DST: variants seen among roughly 807,000 people sequenced by gnomAD.
The protein encoded by DST is dystonin, also known as bullous pemphigoid antigen.
DST carries 253 observed loss-of-function variants against 875.2 expected under a neutral mutation model. The observed-to-expected ratio is 0.29, with a 90% CI of 0.26 to 0.32. The LOEUF (loss-of-function observed/expected upper bound fraction) is 0.32, where lower values mean the gene tolerates loss of function less well. Ranked by LOEUF, DST falls within the 10% of genes least tolerant of loss-of-function variation. The pLI is 1.00. For missense variants in DST, 8,287 were observed against 9,111.6 expected (o/e 0.91, Z 3.68); for synonymous variants, 3,124 against 3,197.1 (o/e 0.98, Z 0.77).
chr6:56,508,508 T>C, intron 75 of DST, 21 bp downstream of exon 75: 1 of 1,587,820 alleles, frequency 6.3e-7, no homozygotes, highest in Non-Finnish European at 8.6e-7. Context: ...TTTCTAACTT[T>C]AAATGAGATT....
chr6:56,742,785 G>C (rs1423025361), intron 4 of DST, among the ~76,000 whole-genome samples: 1 of 152,144 alleles, frequency 6.6e-6, no homozygotes, highest in Non-Finnish European at 1.5e-5. Flanking sequence ...TCCCTGATAT[G>C]TGTGCTAGTA....
intron 2 of DST, among the ~76,000 whole-genome samples, chr6:56,924,844 T>C (rs2127748341): frequency 6.6e-6 from 1 of 152,318 alleles, no homozygotes; most frequent in Non-Finnish European, 1.5e-5. Context: ...GCAGGAGAGA[T>C]CTCTCATTTC....
At chr6:56,798,338 C>T (rs924116517) in intron 4 of DST, among the ~76,000 whole-genome samples, 3 of 152,040 alleles carry the variant, frequency 2.0e-5, no homozygotes, top group Non-Finnish European at 2.9e-5. Flanking sequence ...GAAGTTGATG[C>T]TCATTTGCCA....
At chr6:56,899,676 T>C (rs148798249) in intron 3 of DST, among the ~76,000 whole-genome samples, 270 of 152,348 alleles carry the variant, frequency 1.8e-3, no homozygotes, top group Middle Eastern at 6.8e-3. Context: ...AAAATTACTT[T>C]ACAAGTTTTA....
At chr6:56,847,346 A>C (rs2099808259) in intron 4 of DST, among the ~76,000 whole-genome samples, 1 of 152,210 alleles carries the variant, frequency 6.6e-6, no homozygotes, top group African/African-American at 2.4e-5. Context: ...ATAAACAAAT[A>C]AATAATAAGA....
intron 55 of DST, among the ~76,000 whole-genome samples, chr6:56,563,815 A>G (rs1585013458): frequency 6.6e-6 from 1 of 152,200 alleles, no homozygotes; most frequent in Admixed American, 6.5e-5. Context: ...TAGTTTTCCC[A>G]ACATCATTTA....
At chr6:56,673,296 A>C (rs2099111895) in intron 9 of DST, among the ~76,000 whole-genome samples, 1 of 152,136 alleles carries the variant, frequency 6.6e-6, no homozygotes, top group South Asian at 2.1e-4. Context: ...AAAGAAAAGA[A>C]AAAGTTGAGC....
chr6:56,543,142 G>A (rs75664554), intron 61 of DST, among the ~76,000 whole-genome samples: 1,687 of 152,336 alleles, frequency 0.011, 27 homozygotes, highest in African/African-American at 0.037. Flanking sequence ...AAATTATTTT[G>A]TGAAGGTCCA....
chr6:56,486,575 AT>A (rs1021034523), intron 87 of DST, among the ~76,000 whole-genome samples: 1 of 152,030 alleles, frequency 6.6e-6, no homozygotes, highest in African/African-American at 2.4e-5. Flanking sequence ...TTTTTGAAAT[AT>A]GTCTTGGGTT....
In DST at chr6:56,606,852, C is replaced by T. The variant is rs45564536; in HGVS notation, c.7776G>A (p.Thr2592=). The change falls in exon 40 of 104, where the codon ACG becomes ACA. Residue 2592 remains threonine (T), a synonymous_variant. Transcript: ENST00000680361. ...DETISASDYE[T]SLLNDQQNNT... ...TATTCTGCTGATCATTCAGCAGTGA[C>T]GTTTCATAGTCACTAGCACTGATGG... The T allele has an allele frequency of 0.056, 91,061 of 1,613,010 alleles. 3,208 individuals are homozygous for T. The highest frequency in any genetic ancestry group is 0.17 in the African/African-American group (12,430 of 74,886).
intron 4 of DST, among the ~76,000 whole-genome samples, chr6:56,772,730 T>G (rs2099669636): frequency 6.6e-6 from 1 of 152,164 alleles, no homozygotes; most frequent in African/African-American, 2.4e-5. Context: ...TCAGGAATGT[T>G]GCTGCCACAA....
intron 4 of DST, among the ~76,000 whole-genome samples, chr6:56,765,629 C>T (rs983369358): frequency 9.2e-5 from 14 of 152,130 alleles, no homozygotes; most frequent in African/African-American, 3.4e-4. Flanking sequence ...GCAATCTGTG[C>T]TTAGAGAACA....
chr6:56,831,718 C>A (rs2099787276), intron 4 of DST, among the ~76,000 whole-genome samples: 1 of 151,910 alleles, frequency 6.6e-6, no homozygotes, highest in Non-Finnish European at 1.5e-5. Context: ...AATTAAACCA[C>A]ATGTTCCAAA....
chr6:56,817,750 T>C (rs776580749), intron 4 of DST, among the ~76,000 whole-genome samples: 1 of 152,216 alleles, frequency 6.6e-6, no homozygotes, highest in Non-Finnish European at 1.5e-5. Context: ...TGCTACCTGG[T>C]ATTTTACCTT....
Position 56,726,778 on chromosome 6 carries a change from T to C in DST, c.687+8450A>G, listed in dbSNP as rs114224344. Among the ~76,000 whole-genome samples the C allele has an allele frequency of 7.0e-3, 1,072 of 152,312 alleles. 10 individuals are homozygous for C. Among genetic ancestry groups the C allele is most frequent in the Middle Eastern group, 0.058 (17 of 294 alleles). ...TCTCCATCATAGAAGTAATATAGTA[T>C]ACTAGTGGGAAAAAAAGCTTTATTT... On this transcript the variant is annotated intron_variant, in intron 5 of 103. Transcript: ENST00000680361.
intron 90 of DST, among the ~76,000 whole-genome samples, chr6:56,480,473 C>T (rs1186853046): frequency 1.3e-5 from 2 of 152,114 alleles, no homozygotes; most frequent in Non-Finnish European, 2.9e-5. Context: ...TGAACCTTAC[C>T]TTACTGGTTT....
chr6:56,796,268 CA>C (rs1561879496), intron 4 of DST, among the ~76,000 whole-genome samples: 3 of 152,116 alleles, frequency 2.0e-5, no homozygotes, highest in Non-Finnish European at 4.4e-5. Context: ...CTACAGAGCA[CA>C]AACAAGGAAA....
In DST at chr6:56,640,336, T is replaced by C. The variant is rs1326629533; in HGVS notation, c.2297A>G (p.Tyr766Cys). Residue 766 changes from tyrosine to cysteine, a missense_variant, in exon 18 of 104, where the codon TAT becomes TGT. This residue lies in a region of DST where 1,160 missense variants were observed against 1,424.3 expected (regional missense o/e 0.81). Coordinates refer to ENST00000680361, the MANE Select transcript of DST (RefSeq NM_001374736.1). ...TAATCCTGATGGGAAACCAGGTGTATAAGCTGGAGTGACAGATGGAGTCAG... is the reference window on the plus strand; with the variant it reads ...TAATCCTGATGGGAAACCAGGTGTACAAGCTGGAGTGACAGATGGAGTCAG... ...SRLTPSVTPA[Y>C]TPGFPSGLVP... 2 of 1,614,036 alleles carry C rather than the reference T, an allele frequency of 1.2e-6. No individual in the cohort carries two copies. Among genetic ancestry groups the C allele is most frequent in the African/African-American group, 2.7e-5 (2 of 74,904 alleles).
rs1366865701 is a variant in DST, at chr6:56,606,167, C to G, written c.8461G>C (p.Asp2821His). The G allele has an allele frequency of 8.1e-6, 13 of 1,600,430 alleles. No individual in the cohort carries two copies. Among genetic ancestry groups the G allele is most frequent in the Non-Finnish European group, 1.1e-5 (13 of 1,171,916 alleles). Residue 2821 changes from aspartate (D) to histidine (H), a missense_variant, in exon 40 of 104, where the codon GAT becomes CAT. Around this residue, in one of 10 missense-constraint regions of DST, gnomAD observed 3,138 missense variants for 3,116.6 expected, o/e 1.01. Transcript: ENST00000680361. ...GIDEEGGGIRDENGKPRCQNV... is the reference protein window; with the variant it reads ...GIDEEGGGIRHENGKPRCQNV... The stretch of plus-strand genomic sequence containing the variant: ...TGGCACCTGGGCTTTCCATTCTCAT[C>G]TCTTATACCTCCTCCTTCTTCATCA...
Sources: gnomAD v4.1 joint callset for allele counts (sites outside exome capture counted in the v4.1 genomes callset) on GRCh38, gnomAD v4.1.1 for gene constraint, gnomAD v4.1.1 regional missense constraint, MANE v1.5 for transcripts, NCBI Gene and HGNC (gene_info 2026-07-23, HGNC 2026-07-21) for gene names.